Variants in ARHGAP15 observed in about 807,000 individuals in gnomAD.
ARHGAP15 encodes Rho GTPase activating protein 15.
A neutral mutation model predicts 63.7 loss-of-function variants in ARHGAP15; 51 were observed. The observed-to-expected ratio is 0.80, with a 90% CI of 0.64 to 1.01. The LOEUF (loss-of-function observed/expected upper bound fraction) is 1.01, where lower values mean the gene tolerates loss of function less well. ARHGAP15 is among the 50% of genes least tolerant of loss of function. ARHGAP15 has a pLI of 0.00. For synonymous variants in ARHGAP15, 191 were observed against 193.8 expected (o/e 0.99, Z 0.12); for missense variants, 560 against 564.6 (o/e 0.99, Z 0.08).
intron 12 of ARHGAP15, among the ~76,000 whole-genome samples, chr2:143,636,991 A>T (rs1680348629): frequency 6.6e-6 from 1 of 152,124 alleles, no homozygotes. Context: ...CAAACACAAG[A>T]TCATTGTGTC....
chr2:143,304,534 C>T (rs865792805), intron 6 of ARHGAP15, among the ~76,000 whole-genome samples: 60 of 152,162 alleles, frequency 3.9e-4, no homozygotes, highest in African/African-American at 1.4e-3. Context: ...AGCACACCAA[C>T]ATGCCACATG....
chr2:143,410,067 C>T (rs967938982), intron 6 of ARHGAP15, among the ~76,000 whole-genome samples: 2 of 151,606 alleles, frequency 1.3e-5, no homozygotes, highest in African/African-American at 4.8e-5. Flanking sequence ...TAAATTGAAC[C>T]AAAAATCTTT....
At chr2:143,255,925 A>G (rs1011037915) in intron 6 of ARHGAP15, among the ~76,000 whole-genome samples, 7 of 152,146 alleles carry the variant, frequency 4.6e-5, no homozygotes, top group African/African-American at 1.7e-4. Context: ...CTTGTCCCCA[A>G]TCATTTCATC....
chr2:143,231,069 CT>C (rs914904536), intron 5 of ARHGAP15, among the ~76,000 whole-genome samples: 297 of 125,412 alleles, frequency 2.4e-3, no homozygotes, highest in South Asian at 3.4e-3. Context: ...GATGTAATTC[CT>C]TTTTTTTTTT....
At chr2:143,479,793 A>G (rs1232150590) in intron 8 of ARHGAP15, among the ~76,000 whole-genome samples, 1 of 152,116 alleles carries the variant, frequency 6.6e-6, no homozygotes, top group Non-Finnish European at 1.5e-5. Flanking sequence ...CTCTACATAC[A>G]AGATAGGTTT....
chr2:143,153,806 CTT>C, intron 1 of ARHGAP15, among the ~76,000 whole-genome samples: 2 of 67,858 alleles, frequency 2.9e-5, no homozygotes, highest in Middle Eastern at 0.012. Context: ...TCTTCTTCTT[CTT>C]CTTCTTCTTC....
intron 10 of ARHGAP15, among the ~76,000 whole-genome samples, chr2:143,530,533 G>C: frequency 6.6e-6 from 1 of 152,148 alleles, no homozygotes; most frequent in East Asian, 1.9e-4. Flanking sequence ...CCACTTTCTG[G>C]TTCAAAATAT....
At chr2:143,529,814 G>A (rs943137883) in intron 10 of ARHGAP15, among the ~76,000 whole-genome samples, 2 of 152,004 alleles carry the variant, frequency 1.3e-5, no homozygotes, top group Admixed American at 1.3e-4. Context: ...AACATCATTA[G>A]CCCCTTCCTC....
In ARHGAP15 at chr2:143,153,843, T is replaced by TCTTCCTCCTCCTCCTCCTCC. The variant is rs1558779622; in HGVS notation, c.-14-1634_-14-1633insCTTCCTCCTCCTCCTCCTCC. 1.2e-3 allele frequency among the ~76,000 whole-genome samples: 102 copies of TCTTCCTCCTCCTCCTCCTCC among 86,870 alleles called. 4 individuals are homozygous for TCTTCCTCCTCCTCCTCCTCC. Among genetic ancestry groups the TCTTCCTCCTCCTCCTCCTCC allele is most frequent in the Non-Finnish European group, 1.5e-3 (68 of 46,170 alleles). The allele number at this position is 86,870 out of a possible 152,430, so 57.0% of individuals were successfully genotyped here. A position where few individuals can be genotyped will look rare whatever the true frequency, so the allele number is the denominator to read the frequency against. On this transcript the variant is annotated intron_variant, in intron 1 of 13. Transcript: ENST00000295095. ...CTTCTTCTTCTTCTTCTTCTTCTTC[T>TCTTCCTCCTCCTCCTCCTCC]TCCTCCTCCTCCTCCTCCTCCTCCT...
intron 6 of ARHGAP15, among the ~76,000 whole-genome samples, chr2:143,284,856 C>T (rs2105095815): frequency 6.6e-6 from 1 of 152,318 alleles, no homozygotes; most frequent in East Asian, 1.9e-4. Context: ...AGTAAATTTT[C>T]AGCCTAAGAG....
rs558083819 is a variant in ARHGAP15 at position 143,203,722 on chromosome 2, C to T, written c.234+1520C>T. On this transcript the variant is annotated intron_variant, in intron 3 of 13. Coordinates refer to ENST00000295095, the MANE Select transcript of ARHGAP15 (RefSeq NM_018460.4). ...TGGAGAGCCACCTCTTTTCAACCCC[C>T]TTTACTGGTCCCTCTTCATTTTGGA... 4.1e-4 allele frequency among the ~76,000 whole-genome samples: 63 copies of T among 152,182 alleles called. No homozygotes were observed. In the South Asian group the frequency reaches 0.013, roughly 31 times the overall value.
rs555308844 is a variant in ARHGAP15, at chr2:143,432,139, T to C, written c.475-3462T>C. Among the ~76,000 whole-genome samples the C allele has an allele frequency of 1.1e-3, 175 of 152,184 alleles. 2 individuals carry two copies. The highest frequency in any genetic ancestry group is 0.011 in the South Asian group (51 of 4,824). ...AGCTATGCATAATTTTGATTCTTTA[T>C]CTTTATTTTTCCCAAATTCTACACA... On this transcript the variant is annotated intron_variant, in intron 6 of 13. Coordinates refer to ENST00000295095, the MANE Select transcript of ARHGAP15 (RefSeq NM_018460.4).
At chr2:143,587,322 C>T (rs2105159706) in intron 11 of ARHGAP15, among the ~76,000 whole-genome samples, 1 of 152,184 alleles carries the variant, frequency 6.6e-6, no homozygotes, top group South Asian at 2.1e-4. Flanking sequence ...GTACATATGA[C>T]TGTGTATGGT....
At chr2:143,686,348 C>T (rs911316254) in intron 12 of ARHGAP15, among the ~76,000 whole-genome samples, 13 of 122,532 alleles carry the variant, frequency 1.1e-4, no homozygotes, top group Non-Finnish European at 2.1e-4. Flanking sequence ...TGCACCACTG[C>T]ACTCCACCCT....
chr2:143,392,084 TATC>T (rs1446514161), intron 6 of ARHGAP15, among the ~76,000 whole-genome samples: 1 of 152,182 alleles, frequency 6.6e-6, no homozygotes, highest in African/African-American at 2.4e-5. Flanking sequence ...CACAGAAACT[TATC>T]ATGCTCTGAA....
intron 6 of ARHGAP15, among the ~76,000 whole-genome samples, chr2:143,291,632 A>G (rs1682406173): frequency 6.6e-6 from 1 of 152,108 alleles, no homozygotes; most frequent in Non-Finnish European, 1.5e-5. Context: ...GGCAATCCAG[A>G]CAGGATCCCA....
At chr2:143,571,492 G>T (rs1696451654) in intron 11 of ARHGAP15, among the ~76,000 whole-genome samples, 1 of 152,178 alleles carries the variant, frequency 6.6e-6, no homozygotes, top group African/African-American at 2.4e-5. Context: ...CTGAGATTTG[G>T]AGAAGGCATT....
intron 6 of ARHGAP15, among the ~76,000 whole-genome samples, chr2:143,391,353 G>A (rs776403537): frequency 5.9e-5 from 9 of 152,144 alleles, no homozygotes; most frequent in Non-Finnish European, 1.2e-4. Flanking sequence ...TAACTGTAGT[G>A]AAGTATGTTA....
chr2:143,556,290 C>A, intron 10 of ARHGAP15, 118 bp from the exon 11 acceptor site: 2 of 704,424 alleles, frequency 2.8e-6, no homozygotes, highest in Admixed American at 2.7e-5. Context: ...TTAGAACACA[C>A]AAATTGGTTT....
Sources: gnomAD v4.1 joint callset for allele counts (sites outside exome capture counted in the v4.1 genomes callset) on GRCh38, gnomAD v4.1.1 for gene constraint, MANE v1.5 for transcripts, NCBI Gene and HGNC (gene_info 2026-07-23, HGNC 2026-07-21) for gene names.